HLA-DPB1: variants seen among roughly 807,000 people sequenced by gnomAD.
HLA-DPB1 encodes the protein HLA class II histocompatibility antigen, DP beta 1 chain.
HLA-DPB1 carries 30 observed loss-of-function variants against 29.4 expected under a neutral mutation model. The ratio of observed to expected loss-of-function variants is 1.02; its 90% CI spans 0.76 to 1.38. The LOEUF (loss-of-function observed/expected upper bound fraction) is 1.38. Ranked by LOEUF, HLA-DPB1 falls within the 40% of genes most tolerant of loss-of-function variation. The pLI is 0.00. For missense variants in HLA-DPB1, 261 were observed against 327.5 expected, an observed-to-expected ratio of 0.80 and a Z score of 1.57; for synonymous variants, 114 against 134.0, an observed-to-expected ratio of 0.85 and a Z score of 1.03.
chr6:33,080,577 A>T lies in HLA-DPB1; in HGVS notation c.101-95A>T, dbSNP rs7765682. On this transcript the variant is annotated intron_variant, in intron 1 of 5. Coordinates refer to ENST00000418931, the MANE Select transcript of HLA-DPB1 (RefSeq NM_002121.6). The surrounding 1 kb of genome is among the most constrained non-coding windows in gnomAD (Gnocchi z 4.3). The stretch of plus-strand genomic sequence containing the variant: ...ATTTTAAAATCCAGCCCTGGGTGGG[A>T]AGATTTGGGAAGAATCGTTAATATT... The T allele has an allele frequency of 0.066, 102,701 of 1,567,100 alleles. 6,396 individuals carry two copies. Among genetic ancestry groups the T allele is most frequent in the African/African-American group, 0.31 (23,095 of 73,336 alleles).
At chr6:33,084,298 G>C (rs1762998012) in intron 2 of HLA-DPB1, among the ~76,000 whole-genome samples, 1 of 152,130 alleles carries the variant, frequency 6.6e-6, no homozygotes, top group Admixed American at 6.5e-5. Flanking sequence ...TCTCCTAAAT[G>C]TGCTACAGAG....
rs1762788260 is a variant in HLA-DPB1 at position 33,080,647 on chromosome 6, G to C, written c.101-25G>C. 2.5e-6 allele frequency: 4 copies of C among 1,612,002 alleles called. No homozygotes were observed. The highest frequency in any genetic ancestry group is 3.4e-6 in the Non-Finnish European group (4 of 1,179,226). ...AGGATTAGATGAGAGTGGCGCCTCC[G>C]CTCATGTCCGCCCCCTCCCCGCAGA... On this transcript the variant is annotated intron_variant, in intron 1 of 5. Transcript: ENST00000418931. This position sits in a 1 kb window ranked among gnomAD's most constrained non-coding sequence, Gnocchi z 4.3.
chr6:33,082,306 C>A (rs113869022), intron 2 of HLA-DPB1, among the ~76,000 whole-genome samples: 15,203 of 152,040 alleles, frequency 0.1, 1,476 homozygotes, highest in African/African-American at 0.25. Flanking sequence ...TGCAGACAGC[C>A]CTGATGCCAG....
chr6:33,077,221 C>T (rs967884968), intron 1 of HLA-DPB1, among the ~76,000 whole-genome samples: 4 of 152,010 alleles, frequency 2.6e-5, no homozygotes, highest in African/African-American at 9.7e-5. Flanking sequence ...TTTCCAGCTT[C>T]CTCCATGTCC....
chr6:33,085,727 G>T (rs1206565972), intron 3 of HLA-DPB1, 52 bp from the exon 4 acceptor site: 1 of 1,164,306 alleles, frequency 8.6e-7, no homozygotes, highest in Non-Finnish European at 1.3e-6. Context: ...CAGGACATGA[G>T]TAGGGATGCA....
chr6:33,086,915 T>C lies in HLA-DPB1; in HGVS notation c.*381T>C, dbSNP rs1763137424. 1 of 277,954 alleles carries C rather than the reference T, an allele frequency of 3.6e-6. No individual in the cohort carries two copies. The highest frequency in any genetic ancestry group is 7.0e-6 in the Non-Finnish European group (1 of 143,830). 17.2% of individuals were successfully genotyped at this position (277,954 alleles called of 1,614,324 possible). On this transcript the variant is annotated 3_prime_UTR_variant, in exon 6 of 6. Transcript: ENST00000418931. ...GAAGAGAACCATGAAAATGGGGATA[T>C]GTTAACTATTGTATAATGGGGCCTG...
rs61736934 is a variant in HLA-DPB1 at position 33,085,059 on chromosome 6, G to A, written c.474G>A (p.Trp158Ter). The change falls in exon 3 of 6, where the codon TGG becomes TGA. Residue 158 changes from tryptophan to a stop codon, truncating the protein, a stop_gained. Transcript: ENST00000418931. LOFTEE classifies it high-confidence loss of function. ...DFYPGSIQVR[W>*]FLNGQEETAG... Reference sequence around the variant, plus strand: ...ACCCAGGCAGCATTCAAGTCCGATGGTTCCTGAATGGACAGGAGGAAACAG... The same window carrying A: ...ACCCAGGCAGCATTCAAGTCCGATGATTCCTGAATGGACAGGAGGAAACAG... 1.9e-6 allele frequency: 3 copies of A among 1,613,748 alleles called. No homozygotes were observed. The highest frequency in any genetic ancestry group is 1.7e-5 in the Admixed American group (1 of 60,024).
Position 33,081,032 on chromosome 6 carries a change from C to T in HLA-DPB1, c.364+97C>T, listed in dbSNP as rs148276993. On this transcript the variant is annotated intron_variant, in intron 2 of 5. Coordinates refer to ENST00000418931, the MANE Select transcript of HLA-DPB1 (RefSeq NM_002121.6). ...GGGTTGGCCTAAGGGACCTTAGTGCCGGGCGGAAAGGGGACTTTGGGTTGG... is the reference window on the plus strand; with the variant it reads ...GGGTTGGCCTAAGGGACCTTAGTGCTGGGCGGAAAGGGGACTTTGGGTTGG... 7.0e-4 allele frequency: 957 copies of T among 1,357,818 alleles called. 1 individual carries two copies. Among genetic ancestry groups the T allele is most frequent in the Middle Eastern group, 1.5e-3 (6 of 4,064 alleles). 84.1% of individuals were successfully genotyped at this position (1,357,818 alleles called of 1,614,324 possible).
In HLA-DPB1 at chr6:33,088,684, C is replaced by T. The variant is rs781606216; in HGVS notation, c.*2150C>T. ...ATAGAGTGTTTTCTAAGAGTCAGGC[C>T]CTTTGCTGAGTGCTATGTGCAGCAG... On this transcript the variant is annotated 3_prime_UTR_variant, in exon 6 of 6. Transcript: ENST00000418931. Among the ~76,000 whole-genome samples, 4 of 152,168 alleles carry T rather than the reference C, an allele frequency of 2.6e-5. No homozygotes were observed. Among genetic ancestry groups the T allele is most frequent in the Non-Finnish European group, 5.9e-5 (4 of 67,998 alleles).
chr6:33,076,716 G>A lies in HLA-DPB1; in HGVS notation c.100+575G>A, dbSNP rs117609201. Reference sequence around the variant, plus strand: ...CCCAGCCTCCCCAGAACTTGGTTAGGGTACTAGAGTGGGTTGCGACTTGTA... The same window carrying A: ...CCCAGCCTCCCCAGAACTTGGTTAGAGTACTAGAGTGGGTTGCGACTTGTA... On this transcript the variant is annotated intron_variant, in intron 1 of 5. Transcript: ENST00000418931. Among the ~76,000 whole-genome samples, 214 of 152,264 alleles carry A rather than the reference G, an allele frequency of 1.4e-3. 1 individual carries two copies. The East Asian group carries it at 0.026, about 18-fold the overall frequency.
At position 33,088,516 on chromosome 6, in the gene HLA-DPB1, A is replaced by C. The variant is rs1763214699; in HGVS notation, c.*1982A>C. On this transcript the variant is annotated 3_prime_UTR_variant, in exon 6 of 6. Transcript: ENST00000418931. ...AGAAAGAAGGTATCAGATGTGTCTC[A>C]CTCTGACATATGCAGGTGTTTATGA... Among the ~76,000 whole-genome samples, 1 of 152,142 alleles carries C rather than the reference A, an allele frequency of 6.6e-6. No homozygotes were observed. Among genetic ancestry groups the C allele is most frequent in the African/African-American group, 2.4e-5 (1 of 41,426 alleles).
At chr6:33,082,749 C>T (rs9277389) in intron 2 of HLA-DPB1, among the ~76,000 whole-genome samples, 56,952 of 151,748 alleles carry the variant, frequency 0.38, 12,125 homozygotes, top group East Asian at 0.63. Context: ...GGGTGGATGT[C>T]CACCCAAATC....
In HLA-DPB1 at chr6:33,088,593, G is replaced by A. The variant is rs1417830050; in HGVS notation, c.*2059G>A. 6.7e-6 allele frequency among the ~76,000 whole-genome samples: 1 copy of A among 149,052 alleles called. No homozygotes were observed. Among genetic ancestry groups the A allele is most frequent in the Non-Finnish European group, 1.5e-5 (1 of 67,686 alleles). On this transcript the variant is annotated 3_prime_UTR_variant, in exon 6 of 6. Transcript: ENST00000418931. ...CAGTGCAGAGACAGGTCCCAGAGGA[G>A]ACAAGAGCTGAGAGACCATCCAAAC...
At chr6:33,085,343 C>G in intron 3 of HLA-DPB1, 112 bp downstream of exon 3, 1 of 950,416 alleles carries the variant, frequency 1.1e-6, no homozygotes, top group Non-Finnish European at 1.6e-6. Context: ...ATGTCCAAAC[C>G]CCATCTTTCT....
intron 2 of HLA-DPB1, 71 bp downstream of exon 2, chr6:33,081,006 C>T (rs1762838394): frequency 6.8e-7 from 1 of 1,463,466 alleles, no homozygotes; most frequent in Admixed American, 2.5e-5. Context: ...CAGGAGCAGC[C>T]GGGTTGGCCT....
Position 33,085,097 on chromosome 6 carries a change from C to T in HLA-DPB1, c.512C>T (p.Ser171Phe), listed in dbSNP as rs1217495504. 6.2e-7 allele frequency: 1 copy of T among 1,613,774 alleles called. No homozygotes were observed. The highest frequency in any genetic ancestry group is 1.3e-5 in the African/African-American group (1 of 74,894). Residue 171 changes from serine (S) to phenylalanine (F), a missense_variant, in exon 3 of 6, where the codon TCC becomes TTC. Physicochemically the swap from Ser to Phe is radical, Grantham distance 155. Transcript: ENST00000418931. Reference protein sequence around the residue: ...NGQEETAGVVSTNLIRNGDWT... With the variant: ...NGQEETAGVVFTNLIRNGDWT... ...CAGGAGGAAACAGCTGGGGTCGTGTCCACCAACCTGATCCGTAATGGAGAC... is the reference window on the plus strand; with the variant it reads ...CAGGAGGAAACAGCTGGGGTCGTGTTCACCAACCTGATCCGTAATGGAGAC...
In HLA-DPB1 at chr6:33,080,974, C is replaced by T; in HGVS notation, c.364+39C>T. On this transcript the variant is annotated intron_variant, in intron 2 of 5. Coordinates refer to ENST00000418931, the MANE Select transcript of HLA-DPB1 (RefSeq NM_002121.6). The surrounding 1 kb of genome is among the most constrained non-coding windows in gnomAD (Gnocchi z 4.3). ...TTGGGCCGGCGGTCCCAGGGCAGCC[C>T]CGCGGGCCCGTGCCCAGGGCGCAGG... 1 of 1,531,050 alleles carries T rather than the reference C, an allele frequency of 6.5e-7. No individual in the cohort carries two copies. Among genetic ancestry groups the T allele is most frequent in the African/African-American group, 1.4e-5 (1 of 73,286 alleles). 94.8% of individuals were successfully genotyped at this position (1,531,050 alleles called of 1,614,324 possible).
At chr6:33,076,297 A>G (rs1174627763) in intron 1 of HLA-DPB1, among the ~76,000 whole-genome samples, 156 bp downstream of exon 1, 1 of 152,242 alleles carries the variant, frequency 6.6e-6, no homozygotes, top group African/African-American at 2.4e-5. Flanking sequence ...TTCATCCCCT[A>G]TAGGATAGCT....
Position 33,080,756 on chromosome 6 carries a change from A to G in HLA-DPB1, c.185A>G (p.Glu62Gly). Residue 62 changes from glutamate to glycine, a missense_variant, in exon 2 of 6, where the codon GAG (glutamate) becomes GGG (glycine). Physicochemically the swap from Glu to Gly is moderately conservative, Grantham distance 98. Transcript: ENST00000418931. The surrounding 1 kb of genome is among the most constrained non-coding windows in gnomAD (Gnocchi z 4.3). Reference protein sequence around the residue: ...RFLERYIYNREEFARFDSDVG... With the variant: ...RFLERYIYNRGEFARFDSDVG... ...CTGGAGAGATACATCTACAACCGGGAGGAGTTCGCGCGCTTCGACAGCGAC... is the reference window on the plus strand; with the variant it reads ...CTGGAGAGATACATCTACAACCGGGGGGAGTTCGCGCGCTTCGACAGCGAC... The G allele has an allele frequency of 6.2e-7, 1 of 1,613,574 alleles. No individual in the cohort carries two copies. The highest frequency in any genetic ancestry group is 8.5e-7 in the Non-Finnish European group (1 of 1,179,852).
Sources: gnomAD v4.1 joint callset for allele counts (sites outside exome capture counted in the v4.1 genomes callset) on GRCh38, gnomAD v4.1.1 for gene constraint, Gnocchi (gnomAD v3.1) non-coding constraint, MANE v1.5 for transcripts, NCBI Gene and HGNC (gene_info 2026-07-23, HGNC 2026-07-21) for gene names.